The following CDH18 variants were observed in gnomAD, a reference collection of about 807,000 sequenced individuals.
CDH18 encodes cadherin-18.
In CDH18, 31 loss-of-function variants were observed where a neutral mutation model predicts 67.9. The ratio of observed to expected loss-of-function variants is 0.46; its 90% CI spans 0.34 to 0.62. CDH18 has a LOEUF of 0.62. Among genes scored for constraint, CDH18 ranks in the 20% least tolerant of loss-of-function variants. The pLI, the probability that CDH18 is intolerant of heterozygous loss-of-function variation, is 0.01. For missense variants in CDH18, 890 were observed against 975.5 expected (o/e 0.91, Z 1.17); for synonymous variants, 362 against 347.2 (o/e 1.04, Z -0.48).
rs59764100 is a variant in CDH18 at position 20,279,725 on chromosome 5, A to AAAAAAAAAAAAAAAAAAAAAC, written c.-579-24221_-579-24220insGTTTTTTTTTTTTTTTTTTTT. 1.4e-4 allele frequency among the ~76,000 whole-genome samples: 18 copies of AAAAAAAAAAAAAAAAAAAAAC among 128,786 alleles called. 1 individual carries two copies. The highest frequency in any genetic ancestry group is 4.7e-4 in the East Asian group (2 of 4,232). 84.5% of individuals were successfully genotyped at this position (128,786 alleles called of 152,430 possible). Reference sequence around the variant, plus strand: ...AAAAAAAAAAAAAAAAAAAAAAAAAAAAAGCAAAAACTGTAAGAGCGAGAT... The same window carrying AAAAAAAAAAAAAAAAAAAAAC: ...AAAAAAAAAAAAAAAAAAAAAAAAAAAAAAAAAAAAAAAAAAAAAACAAAGCAAAAACTGTAAGAGCGAGAT... On this transcript the variant is annotated intron_variant, in intron 1 of 14. Coordinates refer to the CDH18 transcript ENST00000507958.
chr5:20,110,171 G>T (rs1234430305), intron 2 of CDH18, among the ~76,000 whole-genome samples: 2 of 152,110 alleles, frequency 1.3e-5, no homozygotes, highest in Non-Finnish European at 2.9e-5. Flanking sequence ...CTCTTCCACG[G>T]ATCCCACATT....
chr5:19,994,720 TATATATATATATATATATAGAGAGAG>T (rs1456975536), intron 2 of CDH18, among the ~76,000 whole-genome samples: 4 of 22,696 alleles, frequency 1.8e-4, no homozygotes, highest in African/African-American at 6.5e-4. Context: ...TATATATATA[TATATATATATATATATATAGAGAGAG>T]AGAGAGAGAG....
chr5:20,242,312 T>G, intron 2 of CDH18, among the ~76,000 whole-genome samples: 1 of 152,042 alleles, frequency 6.6e-6, no homozygotes, highest in South Asian at 2.1e-4. Context: ...ATGTACTGTT[T>G]TAGCATTTTT....
intron 3 of CDH18, among the ~76,000 whole-genome samples, chr5:19,806,899 CT>C (rs1279635785): frequency 6.6e-6 from 1 of 152,176 alleles, no homozygotes; most frequent in Non-Finnish European, 1.5e-5. Context: ...TATTTCCTCA[CT>C]GGGGAAACCC....
chr5:19,704,591 AG>A (rs1398974728), intron 5 of CDH18, among the ~76,000 whole-genome samples: 5 of 152,146 alleles, frequency 3.3e-5, no homozygotes, highest in Non-Finnish European at 7.3e-5. Context: ...TTCCCGCCAA[AG>A]TTTAGGATAT....
intron 3 of CDH18, among the ~76,000 whole-genome samples, chr5:19,791,178 G>C (rs1776312449): frequency 6.6e-6 from 1 of 152,014 alleles, no homozygotes; most frequent in African/African-American, 2.4e-5. Context: ...CTTTCAGTCG[G>C]CACCAGAGCA....
chr5:19,718,181 G>A (rs1765571213), intron 5 of CDH18, among the ~76,000 whole-genome samples: 2 of 151,926 alleles, frequency 1.3e-5, no homozygotes, highest in Non-Finnish European at 2.9e-5. Flanking sequence ...TTAATAAAAT[G>A]CATCTTTCAT....
intron 2 of CDH18, among the ~76,000 whole-genome samples, chr5:20,243,719 T>C (rs1171052139): frequency 6.6e-6 from 1 of 152,132 alleles, no homozygotes; most frequent in East Asian, 1.9e-4. Context: ...TGTTTTAAAA[T>C]ATTATAAAAG....
At chr5:20,184,821 T>C (rs1193684546) in intron 2 of CDH18, among the ~76,000 whole-genome samples, 1 of 152,086 alleles carries the variant, frequency 6.6e-6, no homozygotes, top group African/African-American at 2.4e-5. Flanking sequence ...AGAGGCACTG[T>C]CTAGGACCAG....
At chr5:20,156,644 A>G (rs547246355) in intron 2 of CDH18, among the ~76,000 whole-genome samples, 11 of 152,236 alleles carry the variant, frequency 7.2e-5, no homozygotes, top group Non-Finnish European at 1.0e-4. Context: ...TGATGGGTAC[A>G]CTAAAGGCAG....
chr5:19,854,331 C>A (rs1784032974), intron 2 of CDH18, among the ~76,000 whole-genome samples: 1 of 152,058 alleles, frequency 6.6e-6, no homozygotes, highest in Non-Finnish European at 1.5e-5. Context: ...ACAGGCCAAT[C>A]ATTTTGAGGG....
At chr5:20,045,910 T>C (rs1359730067) in intron 2 of CDH18, among the ~76,000 whole-genome samples, 1 of 151,914 alleles carries the variant, frequency 6.6e-6, no homozygotes, top group Non-Finnish European at 1.5e-5. Flanking sequence ...CTTCCAGAAA[T>C]GGAAAAATAA....
intron 1 of CDH18, among the ~76,000 whole-genome samples, chr5:20,505,556 G>A (rs1349683106): frequency 6.6e-6 from 1 of 151,992 alleles, no homozygotes; most frequent in South Asian, 2.1e-4. Context: ...TTATCTACGT[G>A]AGCTCATGCC....
intron 1 of CDH18, among the ~76,000 whole-genome samples, chr5:20,521,293 G>T (rs1755726876): frequency 6.6e-6 from 1 of 152,166 alleles, no homozygotes; most frequent in South Asian, 2.1e-4. Context: ...CAAGCAAAAT[G>T]GTTTGAAAAT....
intron 6 of CDH18, among the ~76,000 whole-genome samples, chr5:19,601,789 A>T (rs1747174803): frequency 6.6e-6 from 1 of 152,122 alleles, no homozygotes; most frequent in Non-Finnish European, 1.5e-5. Context: ...ATACAAGCTT[A>T]GTTCAACATA....
At chr5:19,486,561 G>T (rs1740435388) in intron 11 of CDH18, among the ~76,000 whole-genome samples, 1 of 152,120 alleles carries the variant, frequency 6.6e-6, no homozygotes, top group African/African-American at 2.4e-5. Flanking sequence ...GGAGGCCAAG[G>T]CGGGTGGATC....
At chr5:19,859,049 A>G (rs1222066475) in intron 2 of CDH18, among the ~76,000 whole-genome samples, 1 of 152,188 alleles carries the variant, frequency 6.6e-6, no homozygotes, top group East Asian at 1.9e-4. Flanking sequence ...GAGTTTACAG[A>G]AAAGTATATA....
At chr5:20,289,064 A>T (rs1746906407) in intron 1 of CDH18, among the ~76,000 whole-genome samples, 1 of 151,976 alleles carries the variant, frequency 6.6e-6, no homozygotes, top group Non-Finnish European at 1.5e-5. Context: ...CCTACTGAAT[A>T]ATCAGTGGCA....
intron 2 of CDH18, among the ~76,000 whole-genome samples, chr5:20,160,700 C>A (rs1047025873): frequency 6.6e-6 from 1 of 152,062 alleles, no homozygotes; most frequent in Non-Finnish European, 1.5e-5. Context: ...GGACTAATGA[C>A]CTAAGATGTA....
Sources: gnomAD v4.1 joint callset for allele counts (sites outside exome capture counted in the v4.1 genomes callset) on GRCh38, gnomAD v4.1.1 for gene constraint, MANE v1.5 for transcripts, NCBI Gene and HGNC (gene_info 2026-07-23, HGNC 2026-07-21) for gene names.